The following DNAJC10 variants were observed in gnomAD, a reference collection of about 807,000 sequenced individuals.
DNAJC10 encodes the protein DnaJ heat shock protein family (Hsp40) member C10.
Under a neutral mutation model 115.0 loss-of-function variants are expected in DNAJC10, and 101 were observed. The ratio of observed to expected loss-of-function variants is 0.88; its 90% CI spans 0.75 to 1.04. The LOEUF (loss-of-function observed/expected upper bound fraction) is 1.04, where lower values mean the gene tolerates loss of function less well. Among genes scored for constraint, DNAJC10 ranks in the 50% least tolerant of loss-of-function variants. The pLI is 0.00. For synonymous variants in DNAJC10, 307 were observed against 301.5 expected (o/e 1.02, Z -0.19); for missense variants, 981 against 928.8 (o/e 1.06, Z -0.73).
chr2:182,786,422 CT>C lies in DNAJC10; in HGVS notation c.*9291del, dbSNP rs1290628379. The C allele has an allele frequency of 3.3e-5, 5 of 152,146 alleles. No individual in the cohort carries two copies. Among genetic ancestry groups the C allele is most frequent in the Non-Finnish European group, 7.3e-5 (5 of 68,038 alleles). 9.4% of individuals were successfully genotyped at this position (152,146 alleles called of 1,614,324 possible). ...GAAAATTGTAATCCTGTTCCCTTCACTGAGGTCATAATACTGAATTCTGAAA... is the reference window on the plus strand; with the variant it reads ...GAAAATTGTAATCCTGTTCCCTTCACGAGGTCATAATACTGAATTCTGAAA... On this transcript the variant is annotated 3_prime_UTR_variant, in exon 24 of 24. Coordinates refer to ENST00000264065, the MANE Select transcript of DNAJC10 (RefSeq NM_018981.4).
At chr2:182,751,934 C>A in intron 15 of DNAJC10, 138 bp from the exon 16 acceptor site, 1 of 1,198,706 alleles carries the variant, frequency 8.3e-7, no homozygotes, top group Non-Finnish European at 1.2e-6. Context: ...TAAATGAGTG[C>A]TAATGTAATT....
At chr2:182,732,574 A>T (rs761433902) in intron 10 of DNAJC10, 32 bp downstream of exon 10, 9 of 1,601,520 alleles carry the variant, frequency 5.6e-6, no homozygotes, top group Non-Finnish European at 7.7e-6. Context: ...AAACTATATC[A>T]CCATGTAAAG....
In DNAJC10 at chr2:182,718,041, G is replaced by A. The variant is rs1325813585; in HGVS notation, c.-46G>A. Reference sequence around the variant, plus strand: ...CATATTACATCAACTGGAACCAGCAGTGAATCTTAATGTTCACTTAAATCA... The same window carrying A: ...CATATTACATCAACTGGAACCAGCAATGAATCTTAATGTTCACTTAAATCA... On this transcript the variant is annotated 5_prime_UTR_variant, in exon 3 of 24. It adds an upstream start codon to the 5' untranslated region. Coordinates refer to ENST00000264065, the MANE Select transcript of DNAJC10 (RefSeq NM_018981.4). The A allele has an allele frequency of 6.9e-7, 1 of 1,448,420 alleles. No homozygotes were observed. Among genetic ancestry groups the A allele is most frequent in the South Asian group, 1.3e-5 (1 of 76,350 alleles). The allele number at this position is 1,448,420 out of a possible 1,614,324, so 89.7% of individuals were successfully genotyped here.
rs1241817435 is a variant in DNAJC10, at chr2:182,793,671, A to G, written c.*16539A>G. 6.6e-6 allele frequency: 1 copy of G among 152,174 alleles called. No individual in the cohort carries two copies. The highest frequency in any genetic ancestry group is 1.9e-4 in the East Asian group (1 of 5,178). The allele number at this position is 152,174 out of a possible 1,614,324, so 9.4% of individuals were successfully genotyped here. On this transcript the variant is annotated 3_prime_UTR_variant, in exon 24 of 24. Transcript: ENST00000264065. ...CTATCTGTTACAAAAATATATCTAT[A>G]TAATCCTAAATTAGGTTTCAGTTTA...
At chr2:182,739,994 C>T in intron 11 of DNAJC10, 1 of 1,001,408 alleles carries the variant, frequency 1.0e-6, no homozygotes, top group Non-Finnish European at 1.2e-6. Context: ...GGAGGTCACT[C>T]AGGATTTTTC....
rs995992102 is a variant in DNAJC10 at position 182,782,490 on chromosome 2, A to C, written c.*5358A>C. Reference sequence around the variant, plus strand: ...TGGTAGCTTGATGGGAATAGCATTGAATCTATAAATTACTTTGGGCAGTAT... The same window carrying C: ...TGGTAGCTTGATGGGAATAGCATTGCATCTATAAATTACTTTGGGCAGTAT... On this transcript the variant is annotated 3_prime_UTR_variant, in exon 24 of 24. Coordinates refer to ENST00000264065, the MANE Select transcript of DNAJC10 (RefSeq NM_018981.4). The C allele has an allele frequency of 6.6e-6, 1 of 151,980 alleles. No homozygotes were observed. Among genetic ancestry groups the C allele is most frequent in the East Asian group, 1.9e-4 (1 of 5,190 alleles). 9.4% of individuals were successfully genotyped at this position (151,980 alleles called of 1,614,324 possible).
chr2:182,761,549 A>G (rs533408474), intron 21 of DNAJC10, among the ~76,000 whole-genome samples: 1 of 152,222 alleles, frequency 6.6e-6, no homozygotes, highest in South Asian at 2.1e-4. Context: ...GGCATTGGTG[A>G]TAGAAAGAAG....
chr2:182,737,618 T>C (rs1245825620), intron 11 of DNAJC10, among the ~76,000 whole-genome samples: 1 of 152,224 alleles, frequency 6.6e-6, no homozygotes, highest in Non-Finnish European at 1.5e-5. Flanking sequence ...TGTGTGTGTG[T>C]GCTTGTGTAT....
intron 22 of DNAJC10, among the ~76,000 whole-genome samples, chr2:182,763,047 A>C (rs1214172661): frequency 6.6e-6 from 1 of 152,130 alleles, no homozygotes; most frequent in Non-Finnish European, 1.5e-5. Context: ...AAACTACTAG[A>C]AAGAGACAAA....
chr2:182,740,417 G>A, intron 12 of DNAJC10, 29 bp downstream of exon 12: 1 of 1,537,842 alleles, frequency 6.5e-7, no homozygotes, highest in Non-Finnish European at 8.7e-7. Flanking sequence ...ATGATAAGTA[G>A]CAATGAATGT....
chr2:182,766,616 A>G (rs1694419581), intron 22 of DNAJC10, among the ~76,000 whole-genome samples: 1 of 152,132 alleles, frequency 6.6e-6, no homozygotes, highest in Admixed American at 6.5e-5. Context: ...ACTTTTCCTT[A>G]TACTCCAGGG....
chr2:182,751,051 CAT>C (rs1559014541), intron 14 of DNAJC10, among the ~76,000 whole-genome samples: 1 of 148,666 alleles, frequency 6.7e-6, no homozygotes, highest in Non-Finnish European at 1.5e-5. Flanking sequence ...CTGAAGTAAG[CAT>C]AATTAATTTA....
intron 14 of DNAJC10, among the ~76,000 whole-genome samples, chr2:182,744,463 A>T (rs144952790): frequency 5.2e-4 from 79 of 152,342 alleles, no homozygotes; most frequent in African/African-American, 1.8e-3. Flanking sequence ...TATATTAATG[A>T]CAACAAGATC....
intron 2 of DNAJC10, among the ~76,000 whole-genome samples, chr2:182,717,646 C>T (rs1257689029): frequency 6.6e-6 from 1 of 152,194 alleles, no homozygotes; most frequent in Non-Finnish European, 1.5e-5. Flanking sequence ...GCACCTGTAG[C>T]TCATTGCCAC....
chr2:182,753,669 A>C (rs900231971), intron 16 of DNAJC10, among the ~76,000 whole-genome samples: 1 of 130,620 alleles, frequency 7.7e-6, no homozygotes, highest in Non-Finnish European at 1.5e-5. Flanking sequence ...TGCAAGCTCC[A>C]CCCCCCGGGT....
intron 14 of DNAJC10, among the ~76,000 whole-genome samples, chr2:182,749,418 C>T (rs1337734151): frequency 6.7e-6 from 1 of 148,166 alleles, no homozygotes; most frequent in Non-Finnish European, 1.5e-5. Flanking sequence ...TAATGGCCTT[C>T]TTTGTCTCTT....
chr2:182,771,469 G>T (rs779714537), intron 22 of DNAJC10, among the ~76,000 whole-genome samples: 52 of 151,890 alleles, frequency 3.4e-4, no homozygotes, highest in Non-Finnish European at 6.6e-4. Context: ...GACTTTTTTT[G>T]GTTGATAGGC....
Position 182,777,226 on chromosome 2 carries a change from A to G in DNAJC10, c.*94A>G. ...AATGTTACATTTATGATGGGAATGA[A>G]TGAACATTATCTTAGACTTGCAGTT... On this transcript the variant is annotated 3_prime_UTR_variant, in exon 24 of 24. Coordinates refer to ENST00000264065, the MANE Select transcript of DNAJC10 (RefSeq NM_018981.4). The G allele has an allele frequency of 1.3e-6, 1 of 759,046 alleles. No individual in the cohort carries two copies. The highest frequency in any genetic ancestry group is 2.9e-5 in the East Asian group (1 of 34,252). The allele number at this position is 759,046 out of a possible 1,614,324, so 47.0% of individuals were successfully genotyped here.
rs1234881277 is a variant in DNAJC10 at position 182,794,442 on chromosome 2, TAAAC to T, written c.*17311_*17314del. ...TTTTTTATAACATGTAGAAGTGAAA[TAAAC>T]TTGTCACAAAAATGCAAATTGTGTC... On this transcript the variant is annotated 3_prime_UTR_variant, in exon 24 of 24. Coordinates refer to ENST00000264065, the MANE Select transcript of DNAJC10 (RefSeq NM_018981.4). 2 of 152,172 alleles carry T rather than the reference TAAAC, an allele frequency of 1.3e-5. No individual in the cohort carries two copies. Among genetic ancestry groups the T allele is most frequent in the Non-Finnish European group, 2.9e-5 (2 of 68,024 alleles). The allele number at this position is 152,172 out of a possible 1,614,324, so 9.4% of individuals were successfully genotyped here.
Sources: gnomAD v4.1 joint callset for allele counts (sites outside exome capture counted in the v4.1 genomes callset) on GRCh38, gnomAD v4.1.1 for gene constraint, MANE v1.5 for transcripts, NCBI Gene and HGNC (gene_info 2026-07-23, HGNC 2026-07-21) for gene names.